The following GADD45G variants were observed in gnomAD, a reference collection of about 807,000 sequenced individuals.
The protein encoded by GADD45G is growth arrest and DNA damage-inducible protein GADD45 gamma.
Under a neutral mutation model 17.3 loss-of-function variants are expected in GADD45G, and 7 were observed. The observed-to-expected ratio is 0.41, with a 90% CI of 0.23 to 0.76. The LOEUF (loss-of-function observed/expected upper bound fraction) is 0.76. GADD45G is among the 30% of genes least tolerant of loss of function. GADD45G has a pLI of 0.34. For missense variants in GADD45G, 149 were observed against 219.2 expected, an observed-to-expected ratio of 0.68 and a Z score of 2.02; for synonymous variants, 93 against 94.9, an observed-to-expected ratio of 0.98 and a Z score of 0.12.
rs908667999 is a variant in GADD45G, at chr9:89,606,406, G to T, written c.*327G>T. The T allele has an allele frequency of 1.7e-5, 7 of 404,356 alleles. No individual in the cohort carries two copies. Among genetic ancestry groups the T allele is most frequent in the African/African-American group, 1.2e-4 (6 of 48,008 alleles). 25.0% of individuals were successfully genotyped at this position (404,356 alleles called of 1,614,324 possible). A position where few individuals can be genotyped will look rare whatever the true frequency, so the allele number is the denominator to read the frequency against. ...TCAGCAGCCTGCGCTCGGCAGGAAGGAGCGGCGCCCTGGACTTGGTACAGT... is the reference window on the plus strand; with the variant it reads ...TCAGCAGCCTGCGCTCGGCAGGAAGTAGCGGCGCCCTGGACTTGGTACAGT... On this transcript the variant is annotated 3_prime_UTR_variant, in exon 4 of 4. Transcript: ENST00000252506.
chr9:89,605,498 T>C lies in GADD45G; in HGVS notation c.120T>C (p.Thr40=). Residue 40 remains threonine, a synonymous_variant, in exon 2 of 4, where the codon ACT becomes ACC. Coordinates refer to ENST00000252506, the MANE Select transcript of GADD45G (RefSeq NM_006705.4). ...LLSAQRQGCL[T]AGVYESAKVL... ...CGGCGCAGCGTCAGGGCTGCCTCAC[T>C]GCCGGCGTCTACGAGTCAGCCAAAG... is the stretch of plus-strand genomic sequence containing the variant. 1.3e-6 allele frequency: 2 copies of C among 1,562,644 alleles called. No homozygotes were observed. Among genetic ancestry groups the C allele is most frequent in the Non-Finnish European group, 1.7e-6 (2 of 1,152,852 alleles).
Position 89,606,120 on chromosome 9 carries a change from C to A in GADD45G, c.*41C>A. On this transcript the variant is annotated 3_prime_UTR_variant, in exon 4 of 4. Transcript: ENST00000252506. The stretch of plus-strand genomic sequence containing the variant: ...CTTGGTCTGATCGACGTGGTGACGC[C>A]CCGGGGCGCCTAGAGCGCGGCTGGC... The A allele has an allele frequency of 6.8e-7, 1 of 1,462,224 alleles. No individual in the cohort carries two copies. Among genetic ancestry groups the A allele is most frequent in the Non-Finnish European group, 9.5e-7 (1 of 1,057,224 alleles). The allele number at this position is 1,462,224 out of a possible 1,614,324, so 90.6% of individuals were successfully genotyped here. A position where few individuals can be genotyped will look rare whatever the true frequency, so the allele number is the denominator to read the frequency against.
chr9:89,606,083 C>T lies in GADD45G; in HGVS notation c.*4C>T, dbSNP rs751325466. 3.1e-6 allele frequency: 5 copies of T among 1,597,004 alleles called. No homozygotes were observed. The highest frequency in any genetic ancestry group is 2.7e-5 in the African/African-American group (2 of 74,652). On this transcript the variant is annotated 3_prime_UTR_variant, in exon 4 of 4. Coordinates refer to ENST00000252506, the MANE Select transcript of GADD45G (RefSeq NM_006705.4). ...CAGCATCACCCTCCCCGAGTGACAG[C>T]CCGGCGGGGACCTTGGTCTGATCGA... is the stretch of plus-strand genomic sequence containing the variant.
Position 89,606,192 on chromosome 9 carries a change from G to A in GADD45G, c.*113G>A. ...GGTGCCCGAGTGCGGCGTGGAGACT[G>A]GCAGGCGGGGGGGGCGCCTGGAGAG... On this transcript the variant is annotated 3_prime_UTR_variant, in exon 4 of 4. Coordinates refer to ENST00000252506, the MANE Select transcript of GADD45G (RefSeq NM_006705.4). 1 of 784,246 alleles carries A rather than the reference G, an allele frequency of 1.3e-6. No individual in the cohort carries two copies. The highest frequency in any genetic ancestry group is 2.1e-6 in the Non-Finnish European group (1 of 472,190). The allele number at this position is 784,246 out of a possible 1,614,324, so 48.6% of individuals were successfully genotyped here. A position where few individuals can be genotyped will look rare whatever the true frequency, so the allele number is the denominator to read the frequency against.
intron 2 of GADD45G, 52 bp from the exon 3 acceptor site, chr9:89,605,615 G>T: frequency 6.3e-7 from 1 of 1,574,986 alleles, no homozygotes; most frequent in South Asian, 1.1e-5. Context: ...GGGTGGCGGC[G>T]GGAGAACTCG....
In GADD45G at chr9:89,605,531, C is replaced by CACA; in HGVS notation, c.153_154insACA (p.Asn51_Val52insThr). The CACA allele has an allele frequency of 6.4e-7, 1 of 1,562,782 alleles. No individual in the cohort carries two copies. The highest frequency in any genetic ancestry group is 8.7e-7 in the Non-Finnish European group (1 of 1,151,826). ...TCTACGAGTCAGCCAAAGTCTTGAA[C>CACA]GTGTAAGTGTAGACGCGGCCCAGGC... On this transcript the variant is annotated inframe_insertion and splice_region_variant, in exon 2 of 4. Coordinates refer to ENST00000252506, the MANE Select transcript of GADD45G (RefSeq NM_006705.4).
chr9:89,605,620 A>G (rs764687256), intron 2 of GADD45G, 47 bp from the exon 3 acceptor site: 1 of 1,578,260 alleles, frequency 6.3e-7, no homozygotes, highest in East Asian at 2.3e-5. Context: ...GCGGCGGGAG[A>G]ACTCGGCTAG....
intron 1 of GADD45G, 58 bp from the exon 2 acceptor site, chr9:89,605,374 T>TGGGGTCTCCGCC (rs1827504392): frequency 2.3e-6 from 3 of 1,314,994 alleles, no homozygotes; most frequent in South Asian, 1.3e-5. Context: ...TGGCCGGGGC[T>TGGGGTCTCCGCC]GGGGTCTCCG....
intron 1 of GADD45G, 75 bp downstream of exon 1, chr9:89,605,249 G>T: frequency 2.2e-6 from 3 of 1,387,698 alleles, no homozygotes; most frequent in South Asian, 1.2e-5. Context: ...GAATCCGCGG[G>T]GTAGGAGGGG....
Position 89,606,074 on chromosome 9 carries a change from G to T in GADD45G, c.475G>T (p.Glu159Ter). The change falls in exon 4 of 4, where the codon GAG (glutamate) becomes TAG (stop). Residue 159 changes from glutamate to a stop codon, truncating the protein, a stop_gained. Coordinates refer to ENST00000252506, the MANE Select transcript of GADD45G (RefSeq NM_006705.4). LOFTEE classifies it high-confidence loss of function. The stretch of plus-strand genomic sequence containing the variant: ...CTGGGTGCCCAGCATCACCCTCCCC[G>T]AGTGACAGCCCGGCGGGGACCTTGG... ...NDWVPSITLP[E>*] 6.2e-7 allele frequency: 1 copy of T among 1,606,630 alleles called. No homozygotes were observed. Among genetic ancestry groups the T allele is most frequent in the Non-Finnish European group, 8.5e-7 (1 of 1,175,290 alleles).
chr9:89,605,264 C>T (rs1323360741), intron 1 of GADD45G, 90 bp downstream of exon 1: 7 of 1,253,724 alleles, frequency 5.6e-6, no homozygotes, highest in African/African-American at 1.5e-5. Flanking sequence ...GAGGGGAGCG[C>T]GGGGGTCCGG....
chr9:89,605,898 C>A lies in GADD45G; in HGVS notation c.369+18C>A. On this transcript the variant is annotated intron_variant, in intron 3 of 3. Coordinates refer to ENST00000252506, the MANE Select transcript of GADD45G (RefSeq NM_006705.4). Reference sequence around the variant, plus strand: ...TCATTTCGGTGAGTACAGTCCCGTCCTGTCCCCGCCCCAGTGTCGTTCCCG... The same window carrying A: ...TCATTTCGGTGAGTACAGTCCCGTCATGTCCCCGCCCCAGTGTCGTTCCCG... The A allele has an allele frequency of 6.3e-7, 1 of 1,592,066 alleles. No homozygotes were observed. Among genetic ancestry groups the A allele is most frequent in the Non-Finnish European group, 8.6e-7 (1 of 1,167,274 alleles).
chr9:89,605,093 T>C lies in GADD45G; in HGVS notation c.-29T>C, dbSNP rs1223749664. The C allele has an allele frequency of 1.2e-6, 2 of 1,605,078 alleles. No homozygotes were observed. The highest frequency in any genetic ancestry group is 2.7e-5 in the African/African-American group (2 of 74,722). On this transcript the variant is annotated 5_prime_UTR_variant, in exon 1 of 4. Transcript: ENST00000252506. ...GCGTCCCCTCCGCGCTCTCCGCTTG[T>C]GGATAACTAGCTGCTGGTTGATCGC...
rs1827526121 is a variant in GADD45G, at chr9:89,606,310, C to A, written c.*231C>A. On this transcript the variant is annotated 3_prime_UTR_variant, in exon 4 of 4. Transcript: ENST00000252506. Reference sequence around the variant, plus strand: ...TCTGCAAGTGTCTGGAGCGGCTGCTCGCCCAGGAAGGCCTAGGCTAGGACG... The same window carrying A: ...TCTGCAAGTGTCTGGAGCGGCTGCTAGCCCAGGAAGGCCTAGGCTAGGACG... 2 of 574,686 alleles carry A rather than the reference C, an allele frequency of 3.5e-6. No individual in the cohort carries two copies. The highest frequency in any genetic ancestry group is 3.1e-6 in the Non-Finnish European group (1 of 320,804). The allele number at this position is 574,686 out of a possible 1,614,324, so 35.6% of individuals were successfully genotyped here.
intron 1 of GADD45G, 80 bp downstream of exon 1, chr9:89,605,254 G>C: frequency 7.3e-7 from 1 of 1,363,452 alleles, no homozygotes; most frequent in Admixed American, 1.8e-5. Context: ...CGCGGGGTAG[G>C]AGGGGAGCGC....
chr9:89,605,896 T>G lies in GADD45G; in HGVS notation c.369+16T>G, dbSNP rs1412342722. ...CCTCATTTCGGTGAGTACAGTCCCG[T>G]CCTGTCCCCGCCCCAGTGTCGTTCC... On this transcript the variant is annotated intron_variant, in intron 3 of 3. Transcript: ENST00000252506. 6.3e-7 allele frequency: 1 copy of G among 1,594,888 alleles called. No individual in the cohort carries two copies. The highest frequency in any genetic ancestry group is 8.6e-7 in the Non-Finnish European group (1 of 1,169,164).
Position 89,605,465 on chromosome 9 carries a change from G to A in GADD45G, c.87G>A (p.Leu29=). ...MQGAGKALHE[L]LLSAQRQGCL... ...GTGCCGGGAAAGCGCTGCATGAGTT[G>A]CTGCTGTCGGCGCAGCGTCAGGGCT... is the stretch of plus-strand genomic sequence containing the variant. Residue 29 remains leucine, a synonymous_variant, in exon 2 of 4, where the codon TTG becomes TTA. Coordinates refer to ENST00000252506, the MANE Select transcript of GADD45G (RefSeq NM_006705.4). The A allele has an allele frequency of 6.4e-7, 1 of 1,559,820 alleles. No homozygotes were observed. Among genetic ancestry groups the A allele is most frequent in the Non-Finnish European group, 8.7e-7 (1 of 1,151,658 alleles).
At position 89,606,200 on chromosome 9, in the gene GADD45G, G is replaced by GA; in HGVS notation, c.*121_*122insA. 1 of 750,016 alleles carries GA rather than the reference G, an allele frequency of 1.3e-6. No individual in the cohort carries two copies. Among genetic ancestry groups the GA allele is most frequent in the Admixed American group, 2.4e-5 (1 of 41,090 alleles). 46.5% of individuals were successfully genotyped at this position (750,016 alleles called of 1,614,324 possible). ...AGTGCGGCGTGGAGACTGGCAGGCG[G>GA]GGGGGGCGCCTGGAGAGCGAGGAGG... On this transcript the variant is annotated 3_prime_UTR_variant, in exon 4 of 4. Coordinates refer to ENST00000252506, the MANE Select transcript of GADD45G (RefSeq NM_006705.4).
chr9:89,605,080 C>T lies in GADD45G; in HGVS notation c.-42C>T. ...AGTGTGTTCGCCCGCGTCCCCTCCG[C>T]GCTCTCCGCTTGTGGATAACTAGCT... On this transcript the variant is annotated 5_prime_UTR_variant, in exon 1 of 4. Transcript: ENST00000252506. 6.4e-7 allele frequency: 1 copy of T among 1,559,806 alleles called. No homozygotes were observed. The highest frequency in any genetic ancestry group is 1.1e-5 in the South Asian group (1 of 88,882).
Sources: allele counts gnomAD v4.1 joint callset, GRCh38; gene constraint gnomAD v4.1.1; transcripts MANE v1.5; gene names NCBI Gene and HGNC (gene_info 2026-07-23, HGNC 2026-07-21).